The following ZNF532 variants were observed in gnomAD, a reference collection of about 807,000 sequenced individuals.
ZNF532 encodes the protein zinc finger protein 532.
Under a neutral mutation model 89.3 loss-of-function variants are expected in ZNF532, and 22 were observed. The ratio of observed to expected loss-of-function variants is 0.25; its 90% CI spans 0.18 to 0.35. The LOEUF is 0.35. ZNF532 is among the 10% of genes least tolerant of loss of function. The pLI is 1.00. For missense variants in ZNF532, 1,132 were observed against 1,643.4 expected (o/e 0.69, Z 5.38); for synonymous variants, 606 against 649.6 (o/e 0.93, Z 1.02).
intron 5 of ZNF532, among the ~76,000 whole-genome samples, chr18:58,945,894 A>G (rs1196709640): frequency 6.6e-6 from 1 of 151,854 alleles, no homozygotes; most frequent in Non-Finnish European, 1.5e-5. Flanking sequence ...TGCCCTGCTA[A>G]TTCTTTTTTG....
intron 7 of ZNF532, 124 bp downstream of exon 7, chr18:58,953,923 T>C (rs776228737): frequency 1.8e-5 from 26 of 1,450,840 alleles, no homozygotes; most frequent in Admixed American, 2.7e-5. Flanking sequence ...TAAAAATCAC[T>C]TGGTGTCTCT....
intron 5 of ZNF532, among the ~76,000 whole-genome samples, chr18:58,940,922 T>TTACA (rs1555738633): frequency 4.8e-5 from 1 of 20,668 alleles, no homozygotes; most frequent in Non-Finnish European, 8.2e-5. Context: ...ATGCCATATT[T>TTACA]TACACACACA....
chr18:58,921,362 T>C (rs2061067986), intron 3 of ZNF532, among the ~76,000 whole-genome samples: 1 of 152,196 alleles, frequency 6.6e-6, no homozygotes, highest in Admixed American at 6.5e-5. Flanking sequence ...TGTTATTTAT[T>C]TATCTATCTG....
upstream of ZNF532, chr18:58,863,049 C>T (rs1232169772): frequency 6.6e-6 from 1 of 152,230 alleles, no homozygotes; most frequent in African/African-American, 2.4e-5. Flanking sequence ...GTGCTCTCTT[C>T]TTACTCATTT....
intron 2 of ZNF532, among the ~76,000 whole-genome samples, chr18:58,877,489 T>G (rs370948839): frequency 1.1e-4 from 17 of 152,366 alleles, no homozygotes; most frequent in African/African-American, 3.8e-4. Context: ...TAGCAATAAA[T>G]AAATGTCTGT....
intron 3 of ZNF532, among the ~76,000 whole-genome samples, chr18:58,924,205 C>T (rs879793138): frequency 6.6e-6 from 1 of 152,198 alleles, no homozygotes; most frequent in Non-Finnish European, 1.5e-5. Flanking sequence ...CCATTGACCT[C>T]CACATTCTTG....
intron 3 of ZNF532, among the ~76,000 whole-genome samples, chr18:58,926,493 A>C (rs1174732546): frequency 6.6e-6 from 1 of 152,118 alleles, no homozygotes; most frequent in Non-Finnish European, 1.5e-5. Context: ...ATGCGCCACC[A>C]TGCCCGGCTA....
intron 2 of ZNF532, among the ~76,000 whole-genome samples, chr18:58,870,953 T>C (rs929898952): frequency 5.3e-5 from 8 of 152,020 alleles, no homozygotes; most frequent in Admixed American, 2.0e-4. Flanking sequence ...GTCTGGAATT[T>C]AGGAGGGTTG....
chr18:58,953,498 C>A lies in ZNF532; in HGVS notation c.2869-20C>A. On this transcript the variant is annotated intron_variant, in intron 6 of 9. Coordinates refer to ENST00000591808, the MANE Select transcript of ZNF532 (RefSeq NM_001375912.1). The stretch of plus-strand genomic sequence containing the variant: ...GTGTTGTGATTTGTGATAGATATTT[C>A]TTTTCTTTTTATAATGTAGTCTATG... 1 of 1,586,918 alleles carries A rather than the reference C, an allele frequency of 6.3e-7. No homozygotes were observed. The highest frequency in any genetic ancestry group is 2.2e-5 in the East Asian group (1 of 44,618).
At chr18:58,972,181 C>T (rs1355642247) in intron 7 of ZNF532, among the ~76,000 whole-genome samples, 3 of 152,128 alleles carry the variant, frequency 2.0e-5, no homozygotes, top group Admixed American at 6.5e-5. Flanking sequence ...CCAGCCTGGG[C>T]GACAGAGACT....
chr18:58,976,021 A>G (rs1354761458), intron 7 of ZNF532, among the ~76,000 whole-genome samples: 1 of 152,212 alleles, frequency 6.6e-6, no homozygotes, highest in Non-Finnish European at 1.5e-5. Context: ...GGAGCTAGTA[A>G]TATTGAGGAA....
At chr18:58,946,281 T>A (rs999712763) in intron 5 of ZNF532, among the ~76,000 whole-genome samples, 17 of 148,052 alleles carry the variant, frequency 1.1e-4, no homozygotes, top group Non-Finnish European at 2.2e-4. Flanking sequence ...TTTTAAAAAA[T>A]CTTCATATAG....
intron 7 of ZNF532, among the ~76,000 whole-genome samples, chr18:58,967,259 A>T (rs145046430): frequency 4.6e-5 from 7 of 151,912 alleles, no homozygotes; most frequent in Non-Finnish European, 1.0e-4. Context: ...TCCCCGATAG[A>T]CCCTACACAG....
intron 7 of ZNF532, among the ~76,000 whole-genome samples, chr18:58,962,061 A>G (rs1182850348): frequency 6.6e-6 from 1 of 152,128 alleles, no homozygotes; most frequent in Non-Finnish European, 1.5e-5. Context: ...CCCCACCTCT[A>G]CCAAAAATAC....
chr18:58,869,765 T>G (rs997270242), intron 2 of ZNF532, among the ~76,000 whole-genome samples: 2 of 148,004 alleles, frequency 1.4e-5, no homozygotes, highest in African/African-American at 2.5e-5. Flanking sequence ...AAGATCTGTT[T>G]TTTTTTTTTT....
intron 7 of ZNF532, among the ~76,000 whole-genome samples, chr18:58,964,535 TTGTGTGTGTGTGTGTG>T (rs200298951): frequency 7.4e-4 from 102 of 138,628 alleles, no homozygotes; most frequent in African/African-American, 1.7e-3. Flanking sequence ...GATATTTTGT[TTGTGTGTGTGTGTGTG>T]TGTGTGTGTG....
At position 58,944,563 on chromosome 18, in the gene ZNF532, C is replaced by T. The variant is rs149863141; in HGVS notation, c.2706-3504C>T. On this transcript the variant is annotated intron_variant, in intron 5 of 9. Coordinates refer to ENST00000591808, the MANE Select transcript of ZNF532 (RefSeq NM_001375912.1). ...GGGGTTCTCACTGTTTCCTAGCACACGGTGCCCAGTAGACCCCTGCCTTTG... is the reference window on the plus strand; with the variant it reads ...GGGGTTCTCACTGTTTCCTAGCACATGGTGCCCAGTAGACCCCTGCCTTTG... Among the ~76,000 whole-genome samples the T allele has an allele frequency of 8.3e-4, 126 of 152,266 alleles. 1 individual carries two copies. The East Asian group carries it at 0.022, about 27-fold the overall frequency.
At chr18:58,941,725 G>C (rs1255202378) in intron 5 of ZNF532, among the ~76,000 whole-genome samples, 1 of 151,638 alleles carries the variant, frequency 6.6e-6, no homozygotes, top group African/African-American at 2.4e-5. Context: ...CAAAGTGCTG[G>C]GATTGCAGGT....
intron 2 of ZNF532, among the ~76,000 whole-genome samples, chr18:58,876,745 G>A (rs1478119865): frequency 6.6e-6 from 1 of 152,178 alleles, no homozygotes; most frequent in Non-Finnish European, 1.5e-5. Context: ...AAGACTGTCA[G>A]GCCTTAGGTC....
Sources: allele counts gnomAD v4.1 joint callset (sites outside exome capture counted in the v4.1 genomes callset), GRCh38; gene constraint gnomAD v4.1.1; transcripts MANE v1.5; gene names NCBI Gene and HGNC (gene_info 2026-07-23, HGNC 2026-07-21).